CERS4: variants seen among roughly 807,000 people sequenced by gnomAD.
CERS4 encodes LAG1 homolog, ceramide synthase 4.
In CERS4, 65 loss-of-function variants were observed where a neutral mutation model predicts 51.8. The ratio of observed to expected loss-of-function variants is 1.26; its 90% CI spans 1.03 to 1.54. The LOEUF is 1.54. CERS4 is among the 40% of genes most tolerant of loss of function. CERS4 has a pLI of 0.00. For missense variants in CERS4, 563 were observed against 500.4 expected (o/e 1.13, Z -1.19); for synonymous variants, 228 against 208.4 (o/e 1.09, Z -0.81).
At chr19:8,236,612 G>C (rs1402910882) in intron 2 of CERS4, among the ~76,000 whole-genome samples, 1 of 148,822 alleles carries the variant, frequency 6.7e-6, no homozygotes, top group East Asian at 2.0e-4. Flanking sequence ...CCAAGACGCA[G>C]AGGTAGCAAT....
intron 2 of CERS4, among the ~76,000 whole-genome samples, chr19:8,223,415 C>T (rs1023215041): frequency 2.0e-5 from 3 of 151,366 alleles, no homozygotes; most frequent in African/African-American, 7.3e-5. Flanking sequence ...CTCAGGAGTC[C>T]AAGACCAGCC....
chr19:8,236,090 G>A (rs1264707683), intron 2 of CERS4, among the ~76,000 whole-genome samples: 4 of 152,072 alleles, frequency 2.6e-5, no homozygotes, highest in South Asian at 2.1e-4. Flanking sequence ...CAGCTACTCC[G>A]GGGGCTGAGG....
intron 8 of CERS4, 106 bp downstream of exon 8, chr19:8,256,816 C>T: frequency 1.9e-6 from 3 of 1,573,104 alleles, no homozygotes. Context: ...CCTGGTGCCT[C>T]CTGCAGGAGA....
chr19:8,232,543 C>T (rs1349985519), intron 2 of CERS4, among the ~76,000 whole-genome samples: 5 of 151,920 alleles, frequency 3.3e-5, no homozygotes, highest in African/African-American at 7.3e-5. Context: ...CTGCCCACCT[C>T]GGCCTCCCAA....
At chr19:8,214,942 G>GGGGAAGAGA (rs1568494826) in intron 2 of CERS4, among the ~76,000 whole-genome samples, 1 of 145,372 alleles carries the variant, frequency 6.9e-6, no homozygotes, top group East Asian at 2.2e-4. Flanking sequence ...GGAAGACGAG[G>GGGGAAGAGA]GGGAGGAGAG....
intron 2 of CERS4, among the ~76,000 whole-genome samples, chr19:8,223,604 A>G (rs1967651140): frequency 6.6e-6 from 1 of 151,822 alleles, no homozygotes; most frequent in South Asian, 2.1e-4. Flanking sequence ...AGGCAACAAG[A>G]GAGAAACTCT....
At chr19:8,227,362 C>T (rs745347869) in intron 2 of CERS4, among the ~76,000 whole-genome samples, 5 of 151,952 alleles carry the variant, frequency 3.3e-5, no homozygotes, top group Non-Finnish European at 5.9e-5. Context: ...GACAGAGTCT[C>T]ACTCTGTCAC....
At chr19:8,213,638 T>C (rs1180339486) in intron 2 of CERS4, among the ~76,000 whole-genome samples, 1 of 152,032 alleles carries the variant, frequency 6.6e-6, no homozygotes, top group Non-Finnish European at 1.5e-5. Flanking sequence ...CATCCTTGAA[T>C]AGGCCCCTCA....
At chr19:8,256,187 G>A in intron 6 of CERS4, 49 bp from the exon 7 acceptor site, 1 of 1,574,004 alleles carries the variant, frequency 6.4e-7, no homozygotes, top group Non-Finnish European at 8.7e-7. Context: ...ACCCAGGGTG[G>A]GAGGTTGGAT....
intron 2 of CERS4, chr19:8,238,675 G>A (rs2145236214): frequency 1.3e-6 from 1 of 774,550 alleles, no homozygotes; most frequent in South Asian, 5.8e-5. Flanking sequence ...TTTTGAGGGG[G>A]CTGACAGGAG....
intron 2 of CERS4, among the ~76,000 whole-genome samples, chr19:8,242,071 C>T (rs950108793): frequency 6.6e-6 from 1 of 152,120 alleles, no homozygotes; most frequent in African/African-American, 2.4e-5. Flanking sequence ...CCTCAATGCC[C>T]CAGGTGCAAG....
At chr19:8,228,001 A>G (rs1244073205) in intron 2 of CERS4, among the ~76,000 whole-genome samples, 2 of 152,032 alleles carry the variant, frequency 1.3e-5, no homozygotes, top group Non-Finnish European at 2.9e-5. Context: ...AGCTGGGATT[A>G]CAGGCGCCCG....
Position 8,261,978 on chromosome 19 carries a change from G to C in CERS4, c.1054G>C (p.Glu352Gln). ...TGTAGAAGAATCAGACTCCAGTGAG[G>C]AGGCGGCGGCGGCCCAGGAACCTCT... ...SDVEESDSSEEAAAAQEPLQL... is the reference protein window; with the variant it reads ...SDVEESDSSEQAAAAQEPLQL... Residue 352 changes from glutamate to glutamine, a missense_variant, in exon 12 of 12, where the codon GAG becomes CAG. Transcript: ENST00000251363. 6.2e-7 allele frequency: 1 copy of C among 1,602,028 alleles called. No individual in the cohort carries two copies. Among genetic ancestry groups the C allele is most frequent in the Non-Finnish European group, 8.5e-7 (1 of 1,174,532 alleles).
At position 8,262,014 on chromosome 19, in the gene CERS4, A is replaced by C. The variant is rs780015199; in HGVS notation, c.1090A>C (p.Asn364His). 110 of 1,590,098 alleles carry C rather than the reference A, an allele frequency of 6.9e-5. No individual in the cohort carries two copies. Among genetic ancestry groups the C allele is most frequent in the Non-Finnish European group, 8.9e-5 (104 of 1,169,644 alleles). ...AAAQEPLQLK[N>H]GAAGGPRPAP... Reference sequence around the variant, plus strand: ...GGCCCAGGAACCTCTGCAGCTAAAGAACGGGGCAGCTGGAGGGCCCAGGCC... The same window carrying C: ...GGCCCAGGAACCTCTGCAGCTAAAGCACGGGGCAGCTGGAGGGCCCAGGCC... The change falls in exon 12 of 12, where the codon AAC (asparagine) becomes CAC (histidine). Residue 364 changes from asparagine to histidine, a missense_variant. Physicochemically the swap from Asn to His is moderately conservative, Grantham distance 68 (BLOSUM62 1). Coordinates refer to ENST00000251363, the MANE Select transcript of CERS4 (RefSeq NM_024552.3).
Position 8,261,813 on chromosome 19 carries a change from G to T in CERS4, c.974G>T (p.Arg325Leu), listed in dbSNP as rs762035079. 3.7e-6 allele frequency: 6 copies of T among 1,614,122 alleles called. No homozygotes were observed. Among genetic ancestry groups the T allele is most frequent in the African/African-American group, 1.3e-5 (1 of 75,024 alleles). ...GTGTTCTGGTCTTGCCTCATTCTGC[G>T]CATGCTCTATAGCTTCATGAAGAAG... ...LHVFWSCLIL[R>L]MLYSFMKKGQ... Residue 325 changes from arginine to leucine, a missense_variant, in exon 11 of 12, where the codon CGC becomes CTC. Physicochemically the swap from Arg to Leu is moderately radical, Grantham distance 102. Transcript: ENST00000251363.
chr19:8,254,264 A>C, intron 3 of CERS4, among the ~76,000 whole-genome samples: 1 of 145,986 alleles, frequency 6.8e-6, no homozygotes, highest in Non-Finnish European at 1.5e-5. Flanking sequence ...CGGAGCTTGC[A>C]GTGAGCCAAG....
chr19:8,223,692 G>A (rs533858526), intron 2 of CERS4, among the ~76,000 whole-genome samples: 23 of 152,162 alleles, frequency 1.5e-4, no homozygotes, highest in African/African-American at 5.3e-4. Flanking sequence ...AAGCTGAGGT[G>A]GGAGGATCAC....
At chr19:8,251,427 G>A (rs1299933619) in intron 3 of CERS4, among the ~76,000 whole-genome samples, 178 bp downstream of exon 3, 2 of 152,176 alleles carry the variant, frequency 1.3e-5, no homozygotes, top group Admixed American at 1.3e-4. Context: ...GGCCTCTGAT[G>A]GCTGGTTTAT....
In CERS4 at chr19:8,210,682, G is replaced by A. The variant is rs574527068; in HGVS notation, c.-158-24G>A. The A allele has an allele frequency of 6.6e-6, 1 of 152,284 alleles. No homozygotes were observed. The highest frequency in any genetic ancestry group is 1.5e-5 in the Non-Finnish European group (1 of 68,220). The allele number at this position is 152,284 out of a possible 1,614,324, so 9.4% of individuals were successfully genotyped here. A position where few individuals can be genotyped will look rare whatever the true frequency, so the allele number is the denominator to read the frequency against. On this transcript the variant is annotated intron_variant, in intron 1 of 11. Coordinates refer to ENST00000251363, the MANE Select transcript of CERS4 (RefSeq NM_024552.3). The surrounding 1 kb of genome is among the most constrained non-coding windows in gnomAD (Gnocchi z 4.2). ...TCTTTGAAGCCCTCGGCCTCCCCCA[G>A]CCTCAAATGGGTCTGCCTTCCAGGA...
Sources: allele counts gnomAD v4.1 joint callset (sites outside exome capture counted in the v4.1 genomes callset), GRCh38; gene constraint gnomAD v4.1.1; non-coding constraint Gnocchi (gnomAD v3.1); transcripts MANE v1.5; gene names NCBI Gene and HGNC (gene_info 2026-07-23, HGNC 2026-07-21).